Variants in ACTR10 observed in about 807,000 individuals in gnomAD.
ACTR10 encodes actin related protein 10.
Under a neutral mutation model 56.2 loss-of-function variants are expected in ACTR10, and 43 were observed. That is an observed-to-expected ratio of 0.77 (90% CI 0.60 to 0.99). ACTR10 has a LOEUF of 0.99. ACTR10 is among the 50% of genes least tolerant of loss of function. ACTR10 has a pLI of 0.00. For missense variants in ACTR10, 466 were observed against 507.8 expected, an observed-to-expected ratio of 0.92 and a Z score of 0.79; for synonymous variants, 170 against 176.3, an observed-to-expected ratio of 0.96 and a Z score of 0.28.
Position 58,234,353 on chromosome 14 carries a change from A to G in ACTR10, c.1073-17A>G, listed in dbSNP as rs755349919. 1 of 1,527,906 alleles carries G rather than the reference A, an allele frequency of 6.5e-7. No homozygotes were observed. Among genetic ancestry groups the G allele is most frequent in the Non-Finnish European group, 8.8e-7 (1 of 1,132,554 alleles). The allele number at this position is 1,527,906 out of a possible 1,614,324, so 94.6% of individuals were successfully genotyped here. A position where few individuals can be genotyped will look rare whatever the true frequency, so the allele number is the denominator to read the frequency against. On this transcript the variant is annotated splice_polypyrimidine_tract_variant and intron_variant, in intron 12 of 12. Coordinates refer to ENST00000254286, the MANE Select transcript of ACTR10 (RefSeq NM_018477.3). ...AAAGTTTTCATCTTAGCTATAAAAA[A>G]TATTTTTGTCACACAGGGGCTATTT...
At chr14:58,228,371 A>G (rs1353028118) in intron 10 of ACTR10, among the ~76,000 whole-genome samples, 1 of 152,090 alleles carries the variant, frequency 6.6e-6, no homozygotes, top group African/African-American at 2.4e-5. Context: ...TAATCCCAAC[A>G]CTTTGGGGAG....
rs1888673058 is a variant in ACTR10, at chr14:58,200,266, G to C, written c.49G>C (p.Val17Leu). The C allele has an allele frequency of 2.6e-6, 4 of 1,513,224 alleles. No homozygotes were observed. Among genetic ancestry groups the C allele is most frequent in the African/African-American group, 1.4e-5 (1 of 69,156 alleles). 93.7% of individuals were successfully genotyped at this position (1,513,224 alleles called of 1,614,324 possible). A position where few individuals can be genotyped will look rare whatever the true frequency, so the allele number is the denominator to read the frequency against. ...GAGCGGCGGGGAGAAGACGGCGGTC[G>C]TGATCGACCTGGGAGAGGCCTTTAC... ...LGSGGEKTAV[V>L]IDLGEAFTKC... Residue 17 changes from valine (V) to leucine (L), a missense_variant, in exon 1 of 13, where the codon GTG becomes CTG. Val to Leu is a conservative substitution (Grantham distance 32). Coordinates refer to ENST00000254286, the MANE Select transcript of ACTR10 (RefSeq NM_018477.3).
At chr14:58,210,150 CTTTA>C (rs950505694) in intron 4 of ACTR10, among the ~76,000 whole-genome samples, 2 of 151,834 alleles carry the variant, frequency 1.3e-5, no homozygotes, top group African/African-American at 4.8e-5. Context: ...AGAATACCTA[CTTTA>C]TTTAGATAAG....
At chr14:58,206,918 G>A (rs1404931127) in intron 2 of ACTR10, 1 of 152,144 alleles carries the variant, frequency 6.6e-6, no homozygotes, top group Non-Finnish European at 1.5e-5. Flanking sequence ...AATTCAGTGT[G>A]GCGATGTTGC....
chr14:58,225,070 A>G (rs1454717141), intron 10 of ACTR10, among the ~76,000 whole-genome samples: 2 of 152,210 alleles, frequency 1.3e-5, no homozygotes, highest in African/African-American at 2.4e-5. Context: ...TTGGAATACA[A>G]AATTAGCCAT....
chr14:58,215,314 G>T, intron 7 of ACTR10, 30 bp downstream of exon 7: 2 of 1,393,852 alleles, frequency 1.4e-6, no homozygotes, highest in Non-Finnish European at 2.0e-6. Flanking sequence ...TTTAGGAGTG[G>T]TTTACACTCT....
chr14:58,220,523 G>A (rs1284164439), intron 8 of ACTR10, among the ~76,000 whole-genome samples: 1 of 152,064 alleles, frequency 6.6e-6, no homozygotes, highest in Non-Finnish European at 1.5e-5. Context: ...GCTTATTACA[G>A]TAGTTCAAAT....
At position 58,213,560 on chromosome 14, in the gene ACTR10, G is replaced by C. The variant is rs1594807104; in HGVS notation, c.451-71G>C. 11 of 1,018,994 alleles carry C rather than the reference G, an allele frequency of 1.1e-5. No homozygotes were observed. In the East Asian group the frequency reaches 2.8e-4, roughly 26 times the overall value. 63.1% of individuals were successfully genotyped at this position (1,018,994 alleles called of 1,614,324 possible). On this transcript the variant is annotated intron_variant, in intron 5 of 12. Coordinates refer to ENST00000254286, the MANE Select transcript of ACTR10 (RefSeq NM_018477.3). ...AAAGCATATTTAGAACAGTACTGCA[G>C]AAGGTGAGGAAAATATCAAGGAAAC... is the stretch of plus-strand genomic sequence containing the variant.
chr14:58,226,847 G>T (rs1369562198), intron 10 of ACTR10, among the ~76,000 whole-genome samples: 1 of 152,004 alleles, frequency 6.6e-6, no homozygotes, highest in Non-Finnish European at 1.5e-5. Context: ...TGATCTGCCT[G>T]CCTTGGCCTC....
intron 7 of ACTR10, 146 bp from the exon 8 acceptor site, chr14:58,219,548 A>T: frequency 2.0e-6 from 1 of 494,258 alleles, no homozygotes; most frequent in Non-Finnish European, 3.5e-6. Flanking sequence ...ACAAAATTAA[A>T]TTTTTCTGTT....
chr14:58,226,530 T>C (rs1021187678), intron 10 of ACTR10, among the ~76,000 whole-genome samples: 5 of 152,180 alleles, frequency 3.3e-5, no homozygotes, highest in Non-Finnish European at 5.9e-5. Flanking sequence ...ATGTCTTACT[T>C]TCCAAACCCA....
intron 8 of ACTR10, among the ~76,000 whole-genome samples, chr14:58,220,974 C>T (rs1380000248): frequency 3.3e-5 from 5 of 152,008 alleles, no homozygotes; most frequent in Non-Finnish European, 2.9e-5. Context: ...TCAGTAGAAA[C>T]CCTTTCTGTT....
At chr14:58,203,583 T>G (rs964484695) in intron 2 of ACTR10, among the ~76,000 whole-genome samples, 1 of 152,268 alleles carries the variant, frequency 6.6e-6, no homozygotes, top group South Asian at 2.1e-4. Context: ...TCTGTACATT[T>G]TATGTAAATG....
intron 12 of ACTR10, among the ~76,000 whole-genome samples, chr14:58,233,717 A>C (rs773558235): frequency 2.0e-5 from 3 of 152,226 alleles, no homozygotes; most frequent in Non-Finnish European, 4.4e-5. Flanking sequence ...ACAATCATGA[A>C]TATGTACATT....
chr14:58,215,619 A>T (rs1398227477), intron 7 of ACTR10, among the ~76,000 whole-genome samples: 4 of 151,888 alleles, frequency 2.6e-5, no homozygotes, highest in African/African-American at 9.7e-5. Context: ...CTCTACTTGT[A>T]TTCGACTAGG....
At chr14:58,222,791 G>C (rs1256248612) in intron 8 of ACTR10, among the ~76,000 whole-genome samples, 1 of 147,952 alleles carries the variant, frequency 6.8e-6, no homozygotes, top group Non-Finnish European at 1.5e-5. Context: ...AAAAAAATTG[G>C]CGTTGTGTTC....
intron 1 of ACTR10, 55 bp from the exon 2 acceptor site, chr14:58,202,800 T>C: frequency 8.0e-7 from 1 of 1,254,276 alleles, no homozygotes; most frequent in Admixed American, 2.2e-5. Context: ...TTAGTTTCTG[T>C]GACAAATATT....
At chr14:58,200,356 G>C in intron 1 of ACTR10, 62 bp downstream of exon 1, 1 of 1,373,090 alleles carries the variant, frequency 7.3e-7, no homozygotes, top group Non-Finnish European at 9.6e-7. Flanking sequence ...AGAGCCCCAG[G>C]CACTGCCTGG....
At chr14:58,229,604 G>T (rs2140063483) in intron 10 of ACTR10, among the ~76,000 whole-genome samples, 1 of 151,654 alleles carries the variant, frequency 6.6e-6, no homozygotes, top group East Asian at 1.9e-4. Context: ...CGTGAATCCA[G>T]GAGGCGGAGC....
Sources: allele counts gnomAD v4.1 joint callset (sites outside exome capture counted in the v4.1 genomes callset), GRCh38; gene constraint gnomAD v4.1.1; transcripts MANE v1.5; gene names NCBI Gene and HGNC (gene_info 2026-07-23, HGNC 2026-07-21).